NEK11: variants seen among roughly 807,000 people sequenced by gnomAD.
NEK11 encodes serine/threonine-protein kinase Nek11.
In NEK11, 72 loss-of-function variants were observed where a neutral mutation model predicts 80.7. That is an observed-to-expected ratio of 0.89 (90% CI 0.74 to 1.08). The LOEUF (loss-of-function observed/expected upper bound fraction) is 1.08. Among genes scored for constraint, NEK11 ranks in the 50% least tolerant of loss-of-function variants. The pLI is 0.00. For missense variants in NEK11, 764 were observed against 763.6 expected, an observed-to-expected ratio of 1.00 and a Z score of -0.01; for synonymous variants, 251 against 260.7, an observed-to-expected ratio of 0.96 and a Z score of 0.36.
At chr3:131,202,540 C>T (rs891331531) in intron 14 of NEK11, among the ~76,000 whole-genome samples, 6 of 152,130 alleles carry the variant, frequency 3.9e-5, no homozygotes, top group Non-Finnish European at 7.3e-5. Context: ...ATCTAAGACA[C>T]CAAAAGCAAT....
intron 17 of NEK11, among the ~76,000 whole-genome samples, chr3:131,274,912 C>T (rs1420551515): frequency 6.6e-6 from 1 of 152,054 alleles, no homozygotes; most frequent in Non-Finnish European, 1.5e-5. Context: ...CTCGGCCTCC[C>T]AAAGTGCTGG....
chr3:131,256,769 G>A (rs994772696), intron 16 of NEK11, among the ~76,000 whole-genome samples: 1 of 152,092 alleles, frequency 6.6e-6, no homozygotes, highest in Non-Finnish European at 1.5e-5. Flanking sequence ...ACTGGGGCTG[G>A]AGATTGCATT....
At chr3:131,120,635 G>C (rs6767260) in intron 5 of NEK11, among the ~76,000 whole-genome samples, 138,373 of 152,162 alleles carry the variant, frequency 0.91, 63,436 homozygotes, top group Non-Finnish European at 0.95. Flanking sequence ...TAGATTTGGT[G>C]TTTTCACATA....
rs115585065 is a variant in NEK11, at chr3:131,099,676, T to C, written c.337-10127T>C. ...TGTTTTATATTTCTCCTTGTAGAGA[T>C]CTTTCACCTCTATGGTTAGCTGTAT... is the stretch of plus-strand genomic sequence containing the variant. On this transcript the variant is annotated intron_variant, in intron 4 of 17. Transcript: ENST00000383366. 8.2e-3 allele frequency among the ~76,000 whole-genome samples: 1,242 copies of C among 152,326 alleles called. 22 individuals are homozygous for C. The highest frequency in any genetic ancestry group is 0.028 in the African/African-American group (1,175 of 41,564).
chr3:131,134,919 C>G (rs181949993), intron 7 of NEK11, among the ~76,000 whole-genome samples: 2 of 152,236 alleles, frequency 1.3e-5, no homozygotes, highest in African/African-American at 4.8e-5. Context: ...TTATTATATA[C>G]TTTTCTGCTT....
chr3:131,335,599 T>C (rs2097168628), intron 17 of NEK11, among the ~76,000 whole-genome samples: 1 of 152,128 alleles, frequency 6.6e-6, no homozygotes. Flanking sequence ...TTCAACATAG[T>C]GTTGGACGTT....
Position 131,201,865 on chromosome 3 carries a change from C to T in NEK11, c.1400-26663C>T, listed in dbSNP as rs139898570. Among the ~76,000 whole-genome samples, 461 of 152,196 alleles carry T rather than the reference C, an allele frequency of 3.0e-3. 1 individual carries two copies. The highest frequency in any genetic ancestry group is 0.011 in the African/African-American group (439 of 41,510). The stretch of plus-strand genomic sequence containing the variant: ...TTTATTTTATTTTGAGACAGAGTCT[C>T]GTTCTGTCGCCCAGGCTGGAGCGCA... On this transcript the variant is annotated intron_variant, in intron 14 of 17. Transcript: ENST00000383366.
intron 3 of NEK11, among the ~76,000 whole-genome samples, chr3:131,080,078 TAGAA>T (rs1307741187): frequency 2.7e-5 from 4 of 149,088 alleles, no homozygotes; most frequent in Non-Finnish European, 6.0e-5. Flanking sequence ...TGAACACACA[TAGAA>T]AGAGACAGAC....
intron 3 of NEK11, among the ~76,000 whole-genome samples, chr3:131,042,118 C>T (rs946432418): frequency 6.6e-6 from 1 of 152,244 alleles, no homozygotes; most frequent in Non-Finnish European, 1.5e-5. Context: ...GAGATTCCAT[C>T]AGGGGCCTAC....
chr3:131,235,653 C>G (rs531877525), intron 15 of NEK11, among the ~76,000 whole-genome samples: 17 of 152,242 alleles, frequency 1.1e-4, no homozygotes, highest in South Asian at 2.1e-4. Context: ...ACAGAGCTAC[C>G]TTGCAGCATC....
intron 11 of NEK11, among the ~76,000 whole-genome samples, chr3:131,164,512 G>A (rs2092007953): frequency 6.6e-6 from 1 of 152,158 alleles, no homozygotes; most frequent in African/African-American, 2.4e-5. Context: ...CATGATTCGT[G>A]TCATTGGCTG....
chr3:131,037,869 T>C (rs1309010166), intron 3 of NEK11, among the ~76,000 whole-genome samples: 1 of 152,228 alleles, frequency 6.6e-6, no homozygotes, highest in Non-Finnish European at 1.5e-5. Context: ...TTAAAGCTAC[T>C]ATTTCTATAT....
chr3:131,113,343 T>C (rs2080437460), intron 5 of NEK11, among the ~76,000 whole-genome samples: 1 of 152,116 alleles, frequency 6.6e-6, no homozygotes, highest in African/African-American at 2.4e-5. Context: ...GCTCTGGATC[T>C]TAGGGAACCA....
intron 17 of NEK11, among the ~76,000 whole-genome samples, chr3:131,276,260 G>A (rs1427064471): frequency 6.6e-6 from 1 of 152,356 alleles, no homozygotes; most frequent in South Asian, 2.1e-4. Flanking sequence ...GGAGATTAAT[G>A]TGTAGGAGGA....
At chr3:131,212,182 A>G (rs909994702) in intron 14 of NEK11, among the ~76,000 whole-genome samples, 8 of 151,952 alleles carry the variant, frequency 5.3e-5, no homozygotes, top group Admixed American at 2.0e-4. Context: ...TGTTGATGCT[A>G]TTTCTTTCTG....
At chr3:131,238,788 T>C (rs2095476029) in intron 15 of NEK11, among the ~76,000 whole-genome samples, 1 of 152,004 alleles carries the variant, frequency 6.6e-6, no homozygotes, top group East Asian at 1.9e-4. Context: ...AGCAAAAAGA[T>C]CTTGGGGATG....
chr3:131,295,138 T>A (rs1002906364), intron 17 of NEK11, among the ~76,000 whole-genome samples: 1 of 152,194 alleles, frequency 6.6e-6, no homozygotes, highest in Non-Finnish European at 1.5e-5. Context: ...TTTCTATTTG[T>A]TGTCTCTGTT....
At chr3:131,177,404 A>T (rs768288528) in intron 14 of NEK11, among the ~76,000 whole-genome samples, 1 of 152,218 alleles carries the variant, frequency 6.6e-6, no homozygotes, top group African/African-American at 2.4e-5. Context: ...ACATATGTTA[A>T]CATACAGTAA....
chr3:131,146,302 G>A (rs550403058), intron 7 of NEK11, among the ~76,000 whole-genome samples: 1 of 152,232 alleles, frequency 6.6e-6, no homozygotes, highest in Admixed American at 6.6e-5. Context: ...CTACATAACA[G>A]AATGTGATCA....
Sources: gnomAD v4.1 joint callset for allele counts (sites outside exome capture counted in the v4.1 genomes callset) on GRCh38, gnomAD v4.1.1 for gene constraint, MANE v1.5 for transcripts, NCBI Gene and HGNC (gene_info 2026-07-23, HGNC 2026-07-21) for gene names.